RETREG3: variants seen among roughly 807,000 people sequenced by gnomAD.
RETREG3 encodes reticulophagy regulator family member 3, also known as reticulophagy regulator 3.
In RETREG3, 23 loss-of-function variants were observed where a neutral mutation model predicts 50.2. The observed-to-expected ratio is 0.46, with a 90% confidence interval of 0.33 to 0.65. The LOEUF (loss-of-function observed/expected upper bound fraction) is 0.65. Among genes scored for constraint, RETREG3 ranks in the 30% least tolerant of loss-of-function variants. The probability of loss-of-function intolerance (pLI) is 0.02; values close to 1 mark genes in which losing one functional copy is unlikely to be tolerated. For synonymous variants in RETREG3, 240 were observed against 234.4 expected, an observed-to-expected ratio of 1.02 and a Z score of -0.22; for missense variants, 546 against 598.0, an observed-to-expected ratio of 0.91 and a Z score of 0.91.
chr17:42,609,376 A>C, upstream of RETREG3: 2 of 1,542,500 alleles, frequency 1.3e-6, no homozygotes, highest in Non-Finnish European at 1.7e-6. Context: ...AGTCACAATA[A>C]CAGCAACTGC....
chr17:42,595,666 C>CTTT (rs770492649), intron 1 of RETREG3, among the ~76,000 whole-genome samples: 2 of 134,458 alleles, frequency 1.5e-5, no homozygotes, highest in African/African-American at 2.8e-5. Flanking sequence ...TTCTTTCTTT[C>CTTT]TTTTTTTTTT....
chr17:42,604,467 T>C (rs986296997), intron 1 of RETREG3, among the ~76,000 whole-genome samples: 6 of 151,958 alleles, frequency 3.9e-5, no homozygotes, highest in South Asian at 4.1e-4. Context: ...ATGAGGAGTT[T>C]GAGACCAGCC....
intron 1 of RETREG3, among the ~76,000 whole-genome samples, chr17:42,601,642 T>TTG (rs2093158888): frequency 7.2e-6 from 1 of 139,016 alleles, no homozygotes; most frequent in South Asian, 2.4e-4. Flanking sequence ...TTTTTTTTTT[T>TTG]TTTTTTTGAG....
At chr17:42,594,762 A>G (rs947354295) in intron 1 of RETREG3, among the ~76,000 whole-genome samples, 18 of 151,068 alleles carry the variant, frequency 1.2e-4, no homozygotes, top group Non-Finnish European at 2.5e-4. Context: ...GAGGCAGGAG[A>G]ATGGCGTGAA....
chr17:42,585,125 A>G lies in RETREG3; in HGVS notation c.727T>C (p.Leu243=), dbSNP rs760045466. 4 of 1,612,840 alleles carry G rather than the reference A, an allele frequency of 2.5e-6. No homozygotes were observed. The highest frequency in any genetic ancestry group is 2.2e-5 in the East Asian group (1 of 44,870). ...YMMSKQRERQ[L]RRRALHPERA... ...GAAAGAATGACACCATGACACTTAC[A>G]TTGTCTCTCTCTCTGCTTGGACATC... Residue 243 remains leucine (L), a splice_region_variant and synonymous_variant, in exon 6 of 9, where the codon TTA becomes CTA. Coordinates refer to ENST00000309428, the MANE Select transcript of RETREG3 (RefSeq NM_178126.4).
At position 42,586,908 on chromosome 17, in the gene RETREG3, G is replaced by A; in HGVS notation, c.378-17C>T. The A allele has an allele frequency of 1.2e-6, 2 of 1,612,010 alleles. No individual in the cohort carries two copies. Among genetic ancestry groups the A allele is most frequent in the African/African-American group, 1.3e-5 (1 of 74,922 alleles). On this transcript the variant is annotated splice_polypyrimidine_tract_variant and intron_variant, in intron 3 of 8. Transcript: ENST00000309428. ...AAGCCCCAGCTATGGGAGAGAGAAG[G>A]GGGAGCTGTGAAAGGAGGGTGTTGA...
chr17:42,607,054 G>A (rs1232535762), intron 1 of RETREG3, among the ~76,000 whole-genome samples: 1 of 152,108 alleles, frequency 6.6e-6, no homozygotes, highest in African/African-American at 2.4e-5. Context: ...GTCATACTTT[G>A]ATACAAATTG....
chr17:42,592,048 A>G lies in RETREG3; in HGVS notation c.346+8T>C, dbSNP rs1177272375. Reference sequence around the variant, plus strand: ...AGTTCAGATTGTTCTAAATGCTACCAAACTCACCTTTTATTTCAGGCCAGA... The same window carrying G: ...AGTTCAGATTGTTCTAAATGCTACCGAACTCACCTTTTATTTCAGGCCAGA... On this transcript the variant is annotated splice_region_variant and intron_variant, in intron 2 of 8. Transcript: ENST00000309428. The G allele has an allele frequency of 6.2e-7, 1 of 1,609,520 alleles. No homozygotes were observed. The highest frequency in any genetic ancestry group is 1.7e-5 in the Admixed American group (1 of 59,650).
chr17:42,609,028 C>T, intron 1 of RETREG3, 58 bp downstream of exon 1: 1 of 1,536,724 alleles, frequency 6.5e-7, no homozygotes, highest in Non-Finnish European at 8.8e-7. Flanking sequence ...GAAGTAGAGC[C>T]CTAGAGGAAC....
At chr17:42,585,359 C>CA (rs1567921194) in intron 5 of RETREG3, 97 bp from the exon 6 acceptor site, 2 of 1,508,056 alleles carry the variant, frequency 1.3e-6, no homozygotes, top group Middle Eastern at 2.2e-4. Context: ...GGCTTGGACA[C>CA]AAAGTGTGGA....
chr17:42,583,629 A>G, intron 6 of RETREG3, 49 bp from the exon 7 acceptor site: 3 of 1,563,006 alleles, frequency 1.9e-6, no homozygotes, highest in Admixed American at 1.7e-5. Context: ...CCAGCGTAAA[A>G]TCCCCTTTGG....
At chr17:42,606,865 C>T (rs1267768109) in intron 1 of RETREG3, among the ~76,000 whole-genome samples, 2 of 151,956 alleles carry the variant, frequency 1.3e-5, no homozygotes, top group East Asian at 1.9e-4. Context: ...GCATTGGTGG[C>T]GCATGCCTGT....
At chr17:42,593,364 T>C (rs891432464) in intron 1 of RETREG3, among the ~76,000 whole-genome samples, 4 of 151,970 alleles carry the variant, frequency 2.6e-5, no homozygotes, top group African/African-American at 9.7e-5. Flanking sequence ...TAAAAAAATT[T>C]TGAGGCCAGG....
intron 1 of RETREG3, 41 bp from the exon 2 acceptor site, chr17:42,592,203 T>C: frequency 6.4e-7 from 1 of 1,562,358 alleles, no homozygotes; most frequent in South Asian, 1.1e-5. Context: ...ATTTACCTAG[T>C]TATCCTAATT....
intron 5 of RETREG3, 123 bp downstream of exon 5, chr17:42,585,930 T>A: frequency 1.2e-6 from 1 of 861,644 alleles, no homozygotes. Flanking sequence ...GTCATGAAAA[T>A]ATGCAAAGGT....
rs2093104071 is a variant in RETREG3, at chr17:42,580,065, T to G, written c.*1748A>C. On this transcript the variant is annotated 3_prime_UTR_variant, in exon 9 of 9. Coordinates refer to ENST00000309428, the MANE Select transcript of RETREG3 (RefSeq NM_178126.4). ...CAGAAGCGTTTGGCTTGAGCTCTGC[T>G]TGGGGAGGCAGAGGCTATAGACTGG... 1.3e-5 allele frequency: 2 copies of G among 152,782 alleles called. No homozygotes were observed. 9.5% of individuals were successfully genotyped at this position (152,782 alleles called of 1,614,324 possible). A position where few individuals can be genotyped will look rare whatever the true frequency, so the allele number is the denominator to read the frequency against.
rs1168532378 is a variant in RETREG3, at chr17:42,592,038, A to C, written c.346+18T>G. 2 of 1,598,376 alleles carry C rather than the reference A, an allele frequency of 1.3e-6. No individual in the cohort carries two copies. The highest frequency in any genetic ancestry group is 1.7e-6 in the Non-Finnish European group (2 of 1,167,464). On this transcript the variant is annotated intron_variant, in intron 2 of 8. Coordinates refer to ENST00000309428, the MANE Select transcript of RETREG3 (RefSeq NM_178126.4). ...GGCCATCTTCAGTTCAGATTGTTCT[A>C]AATGCTACCAAACTCACCTTTTATT...
At position 42,592,073 on chromosome 17, in the gene RETREG3, A is replaced by G. The variant is rs776926422; in HGVS notation, c.329T>C (p.Ile110Thr). ...IVCIDQWKNK[I>T]WPEIKVPRPD... ...AAACTCACCTTTTATTTCAGGCCAGATTTTGTTCTTCCATTGATCAATACA... is the reference window on the plus strand; with the variant it reads ...AAACTCACCTTTTATTTCAGGCCAGGTTTTGTTCTTCCATTGATCAATACA... Residue 110 changes from isoleucine to threonine, a missense_variant, in exon 2 of 9, where the codon ATC (isoleucine) becomes ACC (threonine). Physicochemically the swap from Ile to Thr is moderately conservative, Grantham distance 89. Transcript: ENST00000309428. The G allele has an allele frequency of 1.2e-6, 2 of 1,612,682 alleles. No homozygotes were observed. Among genetic ancestry groups the G allele is most frequent in the South Asian group, 2.2e-5 (2 of 90,620 alleles).
At chr17:42,603,713 C>T (rs901924129) in intron 1 of RETREG3, among the ~76,000 whole-genome samples, 1 of 152,190 alleles carries the variant, frequency 6.6e-6, no homozygotes, top group South Asian at 2.1e-4. Context: ...CGCGGTGGCT[C>T]ACGCCTGTAA....
Sources: allele counts gnomAD v4.1 joint callset (sites outside exome capture counted in the v4.1 genomes callset), GRCh38; gene constraint gnomAD v4.1.1; transcripts MANE v1.5; gene names NCBI Gene and HGNC (gene_info 2026-07-23, HGNC 2026-07-21).